The following GSTCD variants were observed in gnomAD, a reference collection of about 807,000 sequenced individuals.
GSTCD encodes glutathione S-transferase C-terminal domain-containing protein.
A neutral mutation model predicts 68.3 loss-of-function variants in GSTCD; 44 were observed. The ratio of observed to expected loss-of-function variants is 0.64; its 90% CI spans 0.51 to 0.83. GSTCD has a LOEUF of 0.83. Ranked by LOEUF, GSTCD falls within the 40% of genes least tolerant of loss-of-function variation. The probability of loss-of-function intolerance (pLI) is 0.00; values close to 1 mark genes in which losing one functional copy is unlikely to be tolerated. For missense variants in GSTCD, 739 were observed against 735.9 expected, an observed-to-expected ratio of 1.00 and a Z score of -0.05; for synonymous variants, 273 against 255.2, an observed-to-expected ratio of 1.07 and a Z score of -0.67.
intron 5 of GSTCD, among the ~76,000 whole-genome samples, chr4:105,792,057 T>A (rs1374113905): frequency 6.6e-6 from 1 of 152,120 alleles, no homozygotes; most frequent in Non-Finnish European, 1.5e-5. Flanking sequence ...TGTTGTGGAC[T>A]TCATAACTTC....
At chr4:105,722,058 C>T (rs980534794) in intron 3 of GSTCD, among the ~76,000 whole-genome samples, 8 of 152,012 alleles carry the variant, frequency 5.3e-5, no homozygotes, top group East Asian at 1.9e-4. Context: ...CATTATTGTA[C>T]GCCTATAAGA....
At chr4:105,775,063 C>A (rs965732003) in intron 5 of GSTCD, among the ~76,000 whole-genome samples, 5 of 152,102 alleles carry the variant, frequency 3.3e-5, no homozygotes, top group African/African-American at 9.7e-5. Flanking sequence ...CCTTTTCATT[C>A]TTTTTTCTCT....
intron 7 of GSTCD, among the ~76,000 whole-genome samples, chr4:105,825,100 A>ATTGGTTGGTTGG (rs35367925): frequency 6.7e-6 from 1 of 149,698 alleles, no homozygotes; most frequent in Non-Finnish European, 1.5e-5. Context: ...TGGTTGGTTG[A>ATTGGTTGGTTGG]TTGGTTGGTT....
chr4:105,725,934 G>A (rs2149209799), intron 3 of GSTCD, among the ~76,000 whole-genome samples: 1 of 152,228 alleles, frequency 6.6e-6, no homozygotes, highest in African/African-American at 2.4e-5. Context: ...TGGATTGCTA[G>A]TGGGAATTGT....
intron 5 of GSTCD, among the ~76,000 whole-genome samples, chr4:105,810,571 T>G (rs1052287434): frequency 1.3e-5 from 2 of 152,158 alleles, no homozygotes; most frequent in South Asian, 2.1e-4. Context: ...ATTAGCTATT[T>G]CATTATAAAA....
At chr4:105,834,742 G>A (rs760839760) in intron 9 of GSTCD, 148 bp downstream of exon 9, 7 of 657,388 alleles carry the variant, frequency 1.1e-5, no homozygotes, top group Non-Finnish European at 1.7e-5. Flanking sequence ...GTATAAGGAA[G>A]AGAAGAACTC....
intron 5 of GSTCD, among the ~76,000 whole-genome samples, chr4:105,791,402 A>G (rs527616084): frequency 1.3e-5 from 2 of 151,808 alleles, no homozygotes; most frequent in East Asian, 1.9e-4. Context: ...CAAAAAAAAA[A>G]AAAAAAAGAA....
At chr4:105,818,489 C>T (rs1400852576) in intron 5 of GSTCD, among the ~76,000 whole-genome samples, 8 of 151,606 alleles carry the variant, frequency 5.3e-5, no homozygotes, top group African/African-American at 9.7e-5. Context: ...GGGCAAATAT[C>T]GAAAGTAGCA....
chr4:105,733,053 C>G (rs536467878), intron 5 of GSTCD, among the ~76,000 whole-genome samples: 73 of 152,040 alleles, frequency 4.8e-4, no homozygotes, highest in African/African-American at 1.7e-3. Flanking sequence ...TGGTCTGAGA[C>G]AGTTTGTTAT....
At chr4:105,789,463 A>G (rs1048933072) in intron 5 of GSTCD, among the ~76,000 whole-genome samples, 13 of 151,860 alleles carry the variant, frequency 8.6e-5, no homozygotes, top group Admixed American at 8.5e-4. Context: ...GTCCATTTAC[A>G]TGTCTGTTAG....
At chr4:105,735,268 C>A (rs1163421024) in intron 5 of GSTCD, among the ~76,000 whole-genome samples, 1 of 152,196 alleles carries the variant, frequency 6.6e-6, no homozygotes, top group Non-Finnish European at 1.5e-5. Context: ...GCCCTGCCCC[C>A]AGAGTTGGAG....
intron 5 of GSTCD, chr4:105,746,432 A>G (rs1733804317): frequency 6.6e-6 from 1 of 152,126 alleles, no homozygotes; most frequent in Non-Finnish European, 1.5e-5. Flanking sequence ...AGCTGCGATA[A>G]AAGGAAAAAA....
rs775729024 is a variant in GSTCD at position 105,845,403 on chromosome 4, G to GA, written c.1766-35dup. The stretch of plus-strand genomic sequence containing the variant: ...AACAAACTGAAACTGTCCTGCTAGT[G>GA]AAAGGGTGTCTCATGATACCATTTG... On this transcript the variant is annotated intron_variant, in intron 11 of 11. Coordinates refer to ENST00000515279, the MANE Select transcript of GSTCD (RefSeq NM_001370181.1). The GA allele has an allele frequency of 1.5e-5, 24 of 1,612,132 alleles. No individual in the cohort carries two copies. The Admixed American group carries it at 4.0e-4, about 27-fold the overall frequency.
intron 5 of GSTCD, among the ~76,000 whole-genome samples, chr4:105,779,987 A>G (rs994864848): frequency 6.6e-6 from 1 of 152,196 alleles, no homozygotes; most frequent in Non-Finnish European, 1.5e-5. Context: ...TTTTCCCCTC[A>G]AGAGAGAAAA....
At chr4:105,809,433 A>C (rs1364252927) in intron 5 of GSTCD, among the ~76,000 whole-genome samples, 1 of 151,770 alleles carries the variant, frequency 6.6e-6, no homozygotes, top group East Asian at 1.9e-4. Context: ...CATACACCTT[A>C]CTCTCTCACT....
intron 3 of GSTCD, among the ~76,000 whole-genome samples, chr4:105,725,999 C>T (rs1419230311): frequency 2.0e-5 from 3 of 152,072 alleles, no homozygotes; most frequent in Admixed American, 6.6e-5. Context: ...GTTAAATATA[C>T]AGTTACCATA....
intron 5 of GSTCD, among the ~76,000 whole-genome samples, chr4:105,740,209 C>T (rs377580443): frequency 6.6e-6 from 1 of 151,964 alleles, no homozygotes; most frequent in South Asian, 2.1e-4. Flanking sequence ...GACAGCTATG[C>T]GGACTACAGG....
At chr4:105,733,347 A>G (rs1578419074) in intron 5 of GSTCD, among the ~76,000 whole-genome samples, 1 of 152,264 alleles carries the variant, frequency 6.6e-6, no homozygotes, top group African/African-American at 2.4e-5. Flanking sequence ...GTCTCTAAGG[A>G]CTTGCTTTAT....
At chr4:105,732,066 T>C (rs1242328319) in intron 5 of GSTCD, among the ~76,000 whole-genome samples, 7 of 152,240 alleles carry the variant, frequency 4.6e-5, no homozygotes, top group Non-Finnish European at 8.8e-5. Flanking sequence ...GTGGATAAGC[T>C]CTTTGATGTG....
Sources: allele counts gnomAD v4.1 joint callset (sites outside exome capture counted in the v4.1 genomes callset), GRCh38; gene constraint gnomAD v4.1.1; transcripts MANE v1.5; gene names NCBI Gene and HGNC (gene_info 2026-07-23, HGNC 2026-07-21).